The following MROH7 variants were observed in gnomAD, a reference collection of about 807,000 sequenced individuals.
MROH7 encodes the protein maestro heat like repeat family member 7, also known as maestro heat-like repeat-containing protein family member 7.
Under a neutral mutation model 129.2 loss-of-function variants are expected in MROH7, and 113 were observed. The ratio of observed to expected loss-of-function variants is 0.87; its 90% confidence interval spans 0.75 to 1.02. The LOEUF (loss-of-function observed/expected upper bound fraction) is 1.02, where lower values mean the gene tolerates loss of function less well. Among genes scored for constraint, MROH7 ranks in the 50% least tolerant of loss-of-function variants. The pLI is 0.00. For synonymous variants in MROH7, 655 were observed against 667.9 expected, an observed-to-expected ratio of 0.98 and a Z score of 0.30; for missense variants, 1,601 against 1,671.3, an observed-to-expected ratio of 0.96 and a Z score of 0.73.
intron 17 of MROH7, among the ~76,000 whole-genome samples, chr1:54,697,020 T>TA (rs1468080858): frequency 6.6e-6 from 1 of 152,170 alleles, no homozygotes; most frequent in African/African-American, 2.4e-5. Flanking sequence ...TGCATGTACA[T>TA]ACCACATTTT....
intron 15 of MROH7, 38 bp downstream of exon 15, chr1:54,686,486 G>A (rs375310343): frequency 1.3e-6 from 2 of 1,580,252 alleles, no homozygotes; most frequent in Non-Finnish European, 1.7e-6. Flanking sequence ...GCTGTCCCCG[G>A]TGGTGGGAAG....
chr1:54,697,082 C>T (rs566411269), intron 17 of MROH7: 1 of 152,428 alleles, frequency 6.6e-6, no homozygotes, highest in African/African-American at 2.4e-5. Flanking sequence ...CTTTTAACCA[C>T]CACGCTTGCC....
chr1:54,664,160 G>C (rs1374534527), intron 3 of MROH7: 1 of 160,454 alleles, frequency 6.2e-6, no homozygotes, highest in Non-Finnish European at 1.4e-5. Flanking sequence ...AGTGGGTGCT[G>C]GGTGTGTCTT....
intron 17 of MROH7, chr1:54,697,833 C>T: frequency 1.8e-6 from 1 of 549,212 alleles, no homozygotes; most frequent in Admixed American, 2.9e-5. Flanking sequence ...CACATGGGTT[C>T]TTGCAGGAGA....
At chr1:54,661,617 CAG>C (rs1454916814) in intron 3 of MROH7, among the ~76,000 whole-genome samples, 1 of 127,196 alleles carries the variant, frequency 7.9e-6, no homozygotes, top group Non-Finnish European at 1.7e-5. Context: ...TATTTTGAGA[CAG>C]AGTTTTGCTC....
chr1:54,667,872 C>T (rs1644837115), intron 4 of MROH7, among the ~76,000 whole-genome samples: 1 of 152,154 alleles, frequency 6.6e-6, no homozygotes. Flanking sequence ...ATTGCTTGAG[C>T]CCAGGAATTC....
rs773403073 is a variant in MROH7, at chr1:54,682,794, G to A, written c.2520G>A (p.Ala840=). 5.0e-6 allele frequency: 8 copies of A among 1,610,364 alleles called. No individual in the cohort carries two copies. The highest frequency in any genetic ancestry group is 2.2e-5 in the East Asian group (1 of 44,876). ...KEGRASIVPL[A]AASGLCELLS... ...GCCGGGCTTCCATCGTGCCCCTGGC[G>A]GTGAGCACCCAGTCAGCCAGCCCCT... Residue 840 remains alanine (A), a splice_region_variant and synonymous_variant, in exon 14 of 24, where the codon GCG becomes GCA. Transcript: ENST00000421030.
intron 10 of MROH7, among the ~76,000 whole-genome samples, chr1:54,675,997 C>T: frequency 6.6e-6 from 1 of 152,002 alleles, no homozygotes; most frequent in Non-Finnish European, 1.5e-5. Context: ...ATTATAGACC[C>T]AATTAGGGTT....
chr1:54,670,813 A>G lies in MROH7; in HGVS notation c.1483A>G (p.Thr495Ala). The G allele has an allele frequency of 6.2e-7, 1 of 1,613,250 alleles. No individual in the cohort carries two copies. The highest frequency in any genetic ancestry group is 2.2e-5 in the East Asian group (1 of 44,838). ...CCTCTTCTCCAGCCACACCCAGCCCACCCTGGGCATGCGGGAGAGGTCGGA... is the reference window on the plus strand; with the variant it reads ...CCTCTTCTCCAGCCACACCCAGCCCGCCCTGGGCATGCGGGAGAGGTCGGA... The part of the protein sequence containing the change: ...ILTQLSHTQP[T>A]LGMRERSELV... The change falls in exon 7 of 24, where the codon ACC (threonine) becomes GCC (alanine). Residue 495 changes from threonine to alanine, a missense_variant. Transcript: ENST00000421030.
Position 54,701,307 on chromosome 1 carries a change from G to GCGTGAGGA in MROH7, c.3271_3272insGTGAGGAC (p.Pro1091ArgfsTer49). The GCGTGAGGA allele has an allele frequency of 6.3e-7, 1 of 1,596,536 alleles. No homozygotes were observed. Among genetic ancestry groups the GCGTGAGGA allele is most frequent in the Non-Finnish European group, 8.6e-7 (1 of 1,168,432 alleles). ...ATGTGGAGATGCTGCAGATCCTGCT[G>GCGTGAGGA]CCGCACTTCAGCGACGTGAGGACCT... On this transcript the variant is annotated frameshift_variant, in exon 19 of 24. Transcript: ENST00000421030. LOFTEE classifies it high-confidence loss of function.
At chr1:54,652,706 C>T (rs41297845) in intron 2 of MROH7, 147 bp from the exon 3 acceptor site, 2 of 514,672 alleles carry the variant, frequency 3.9e-6, no homozygotes, top group Non-Finnish European at 6.7e-6. Flanking sequence ...AGGCAAGTGG[C>T]AAGTGATGGG....
Position 54,682,748 on chromosome 1 carries a change from A to G in MROH7, c.2474A>G (p.Glu825Gly). The G allele has an allele frequency of 6.2e-7, 1 of 1,614,010 alleles. No individual in the cohort carries two copies. The highest frequency in any genetic ancestry group is 8.5e-7 in the Non-Finnish European group (1 of 1,180,006). ...LLDLLLGSLKEKPVTKEGRAS... is the reference protein window; with the variant it reads ...LLDLLLGSLKGKPVTKEGRAS... The stretch of plus-strand genomic sequence containing the variant: ...GATCTGCTCCTGGGCAGCCTGAAGG[A>G]GAAGCCCGTCACCAAGGAGGGCCGG... Residue 825 changes from glutamate (E) to glycine (G), a missense_variant, in exon 14 of 24, where the codon GAG (glutamate) becomes GGG (glycine). Transcript: ENST00000421030.
chr1:54,685,860 G>T lies in MROH7; in HGVS notation c.2521-398G>T, dbSNP rs1457443181. Among the ~76,000 whole-genome samples the T allele has an allele frequency of 2.0e-5, 3 of 152,140 alleles. No individual in the cohort carries two copies. The East Asian group carries it at 5.8e-4, about 29-fold the overall frequency. On this transcript the variant is annotated intron_variant, in intron 14 of 23. Transcript: ENST00000421030. ...CGCTATAGTTGGTATCAGAAAACCT[G>T]GGTTCAAGTTCCAGCTCTGCCCCCA...
chr1:54,664,440 A>G (rs927472059), intron 3 of MROH7, among the ~76,000 whole-genome samples: 1 of 152,176 alleles, frequency 6.6e-6, no homozygotes, highest in Non-Finnish European at 1.5e-5. Flanking sequence ...GGAGAGCCTT[A>G]GTGGGGCAAG....
At chr1:54,669,921 T>A (rs533629961) in intron 5 of MROH7, among the ~76,000 whole-genome samples, 30 of 151,764 alleles carry the variant, frequency 2.0e-4, no homozygotes, top group Non-Finnish European at 3.4e-4. Context: ...AGATAATCGC[T>A]TGAGCTAGGG....
At chr1:54,689,624 AAGG>A (rs1239573285) in intron 15 of MROH7, among the ~76,000 whole-genome samples, 1 of 152,160 alleles carries the variant, frequency 6.6e-6, no homozygotes. Flanking sequence ...CTTGGGTTTG[AAGG>A]AGGAGGAGGG....
chr1:54,673,824 G>A lies in MROH7; in HGVS notation c.1800+19G>A. 6.3e-7 allele frequency: 1 copy of A among 1,590,422 alleles called. No homozygotes were observed. The highest frequency in any genetic ancestry group is 8.6e-7 in the Non-Finnish European group (1 of 1,158,318). The stretch of plus-strand genomic sequence containing the variant: ...TTTCTTTGTGAGTGGCCCCTGGGAG[G>A]GGTGGACACTCTTAGGGAAAATCTT... On this transcript the variant is annotated intron_variant, in intron 9 of 23. Transcript: ENST00000421030.
chr1:54,685,930 G>A (rs914448649), intron 14 of MROH7, among the ~76,000 whole-genome samples: 1 of 152,134 alleles, frequency 6.6e-6, no homozygotes, highest in Admixed American at 6.5e-5. Flanking sequence ...CTCTGAGTCC[G>A]CCTCCTCATC....
intron 1 of MROH7, among the ~76,000 whole-genome samples, chr1:54,645,651 C>CTTTTTTTTT (rs780480424): frequency 3.6e-5 from 4 of 110,226 alleles, no homozygotes; most frequent in African/African-American, 1.1e-4. Context: ...TTCTTTCTTT[C>CTTTTTTTTT]TTTCTTTTTT....
Sources: gnomAD v4.1 joint callset for allele counts (sites outside exome capture counted in the v4.1 genomes callset) on GRCh38, gnomAD v4.1.1 for gene constraint, MANE v1.5 for transcripts, NCBI Gene and HGNC (gene_info 2026-07-23, HGNC 2026-07-21) for gene names.